Variants in MAML3 observed in about 807,000 individuals in gnomAD.
The protein encoded by MAML3 is mastermind like transcriptional coactivator 3.
MAML3 carries 27 observed loss-of-function variants against 101.9 expected under a neutral mutation model. That is an observed-to-expected ratio of 0.27 (90% CI 0.20 to 0.37). The LOEUF is 0.37. Among genes scored for constraint, MAML3 ranks in the 10% least tolerant of loss-of-function variants. The pLI is 1.00. For synonymous variants in MAML3, 501 were observed against 555.9 expected (o/e 0.90, Z 1.39); for missense variants, 1,316 against 1,444.9 (o/e 0.91, Z 1.45).
chr4:139,905,729 A>C (rs1357380114), intron 1 of MAML3, among the ~76,000 whole-genome samples: 6 of 152,048 alleles, frequency 3.9e-5, no homozygotes, highest in Non-Finnish European at 5.9e-5. Flanking sequence ...CCAGTTTCTC[A>C]CTGTGTCCTT....
At chr4:139,951,636 A>G (rs1323284143) in intron 1 of MAML3, among the ~76,000 whole-genome samples, 1 of 151,946 alleles carries the variant, frequency 6.6e-6, no homozygotes, top group Non-Finnish European at 1.5e-5. Context: ...AAGAGGAGAG[A>G]GGAAAGGGTC....
At chr4:139,862,025 A>T (rs981635334) in intron 2 of MAML3, among the ~76,000 whole-genome samples, 1 of 152,120 alleles carries the variant, frequency 6.6e-6, no homozygotes, top group Non-Finnish European at 1.5e-5. Flanking sequence ...CATGAGTAAC[A>T]TGGTGAAACC....
intron 1 of MAML3, among the ~76,000 whole-genome samples, chr4:140,023,310 G>C (rs1236968312): frequency 6.6e-6 from 1 of 152,184 alleles, no homozygotes; most frequent in Non-Finnish European, 1.5e-5. Flanking sequence ...CAGTCATGCA[G>C]CTCTAAGGGT....
chr4:140,087,065 C>T (rs1727965405), intron 1 of MAML3, among the ~76,000 whole-genome samples: 1 of 152,176 alleles, frequency 6.6e-6, no homozygotes, highest in Non-Finnish European at 1.5e-5. Context: ...GCGGCTGAGG[C>T]AGGAGGATCG....
rs1732413870 is a variant in MAML3, at chr4:139,889,419, T to C, written c.2017A>G (p.Met673Val). ...TGATTCATCACTCCTTTCTGCTTCATGAGAAGCAGGCGTTTCTGGTCTTCG... is the reference window on the plus strand; with the variant it reads ...TGATTCATCACTCCTTTCTGCTTCACGAGAAGCAGGCGTTTCTGGTCTTCG... ...LSEDQKRLLL[M>V]KQKGVMNQPM... Residue 673 changes from methionine (M) to valine (V), a missense_variant, in exon 2 of 5, where the codon ATG (methionine) becomes GTG (valine). By Grantham distance (21) the Met-to-Val change is conservative. Coordinates refer to ENST00000509479, the MANE Select transcript of MAML3 (RefSeq NM_018717.5). The C allele has an allele frequency of 6.8e-6, 11 of 1,613,944 alleles. No individual in the cohort carries two copies. Among genetic ancestry groups the C allele is most frequent in the Non-Finnish European group, 9.3e-6 (11 of 1,179,802 alleles).
intron 2 of MAML3, among the ~76,000 whole-genome samples, chr4:139,750,481 C>T (rs987122461): frequency 1.3e-5 from 2 of 152,174 alleles, no homozygotes; most frequent in African/African-American, 4.8e-5. Context: ...GGGCTTTCTT[C>T]TCTTTGTTCC....
intron 2 of MAML3, among the ~76,000 whole-genome samples, chr4:139,874,955 C>A (rs1231348786): frequency 1.3e-5 from 2 of 152,076 alleles, no homozygotes; most frequent in Non-Finnish European, 2.9e-5. Flanking sequence ...AGGCGTCTGC[C>A]ACCACGCCCG....
intron 1 of MAML3, among the ~76,000 whole-genome samples, chr4:140,131,890 T>C (rs2280500): frequency 0.19 from 28,575 of 152,238 alleles, 3,002 homozygotes; most frequent in East Asian, 0.27. Context: ...CAGGGTGTTC[T>C]CCACCCACAT....
intron 1 of MAML3, among the ~76,000 whole-genome samples, chr4:140,010,700 A>G (rs192272240): frequency 6.6e-6 from 1 of 152,292 alleles, no homozygotes; most frequent in East Asian, 1.9e-4. Context: ...AAGATCAGTG[A>G]AAACAAAAAA....
intron 1 of MAML3, among the ~76,000 whole-genome samples, chr4:140,044,185 C>T (rs1727141880): frequency 6.6e-6 from 1 of 150,944 alleles, no homozygotes. Context: ...GGGCCCGAGA[C>T]GTTTTAAAAG....
At chr4:140,117,289 A>G (rs1301219713) in intron 1 of MAML3, among the ~76,000 whole-genome samples, 1 of 152,130 alleles carries the variant, frequency 6.6e-6, no homozygotes, top group Non-Finnish European at 1.5e-5. Context: ...TTACACACTT[A>G]CTATTCTCTT....
chr4:139,798,034 G>GAGAAAGAAAGAAAGAAAGAAAGAA (rs60781175), intron 2 of MAML3, among the ~76,000 whole-genome samples: 1 of 124,472 alleles, frequency 8.0e-6, no homozygotes, highest in Non-Finnish European at 1.7e-5. Flanking sequence ...AGGAGAGAGA[G>GAGAAAGAAAGAAAGAAAGAAAGAA]AGAAAGAAAG....
intron 1 of MAML3, among the ~76,000 whole-genome samples, chr4:140,048,014 C>G (rs1727209683): frequency 6.6e-6 from 1 of 152,122 alleles, no homozygotes; most frequent in Admixed American, 6.5e-5. Flanking sequence ...TAATCTGACC[C>G]CACATACTTC....
intron 1 of MAML3, among the ~76,000 whole-genome samples, chr4:139,998,704 T>C (rs567387231): frequency 6.6e-6 from 1 of 152,170 alleles, no homozygotes; most frequent in African/African-American, 2.4e-5. Context: ...CAATTCTGGA[T>C]TCTGGTATTT....
At chr4:140,025,316 G>A (rs921262459) in intron 1 of MAML3, among the ~76,000 whole-genome samples, 2 of 152,146 alleles carry the variant, frequency 1.3e-5, no homozygotes, top group African/African-American at 2.4e-5. Context: ...ACACATCTGA[G>A]ATTTTTACTT....
intron 4 of MAML3, among the ~76,000 whole-genome samples, chr4:139,721,497 A>G (rs1446581690): frequency 2.0e-5 from 3 of 152,196 alleles, no homozygotes; most frequent in African/African-American, 7.2e-5. Flanking sequence ...GTGATGAGAA[A>G]CCAGATGAGA....
intron 1 of MAML3, among the ~76,000 whole-genome samples, chr4:140,108,109 T>C (rs1030170178): frequency 2.6e-5 from 4 of 152,036 alleles, no homozygotes; most frequent in African/African-American, 9.7e-5. Context: ...TTATATACCT[T>C]TCCCCATCCT....
At chr4:139,765,329 G>A (rs181153678) in intron 2 of MAML3, among the ~76,000 whole-genome samples, 1 of 152,342 alleles carries the variant, frequency 6.6e-6, no homozygotes, top group East Asian at 1.9e-4. Context: ...GTAGAATTAA[G>A]AATGCTTTCC....
At chr4:139,995,467 C>G (rs546871587) in intron 1 of MAML3, among the ~76,000 whole-genome samples, 45 of 152,216 alleles carry the variant, frequency 3.0e-4, no homozygotes, top group Non-Finnish European at 6.2e-4. Flanking sequence ...CCATCTGGGC[C>G]TGTGCTTTTC....
Sources: gnomAD v4.1 joint callset for allele counts (sites outside exome capture counted in the v4.1 genomes callset) on GRCh38, gnomAD v4.1.1 for gene constraint, MANE v1.5 for transcripts, NCBI Gene and HGNC (gene_info 2026-07-23, HGNC 2026-07-21) for gene names.